Variants in TMEM131 observed in about 807,000 individuals in gnomAD.
The protein encoded by TMEM131 is 2610524E03Rik.
A neutral mutation model predicts 211.6 loss-of-function variants in TMEM131; 66 were observed. That is an observed-to-expected ratio of 0.31 (90% confidence interval 0.26 to 0.38). The LOEUF (loss-of-function observed/expected upper bound fraction) is 0.38. TMEM131 is among the 10% of genes least tolerant of loss of function. The pLI, the probability that TMEM131 is intolerant of heterozygous loss-of-function variation, is 1.00. For missense variants in TMEM131, 2,036 were observed against 2,299.3 expected (o/e 0.89, Z 2.34); for synonymous variants, 844 against 841.3 (o/e 1.00, Z -0.06).
At chr2:97,891,760 AT>A (rs1288730557) in intron 3 of TMEM131, among the ~76,000 whole-genome samples, 3 of 152,180 alleles carry the variant, frequency 2.0e-5, no homozygotes, top group African/African-American at 7.2e-5. Flanking sequence ...TTTTAAAACA[AT>A]TGTTTGTGAT....
At chr2:97,937,803 GAGA>G in intron 1 of TMEM131, among the ~76,000 whole-genome samples, 1 of 152,306 alleles carries the variant, frequency 6.6e-6, no homozygotes, top group South Asian at 2.1e-4. Context: ...AACAACTAGA[GAGA>G]AGGTCATCAG....
chr2:97,943,032 AAAAGAAAAGAAAGAAAG>A (rs1559464385), intron 1 of TMEM131, among the ~76,000 whole-genome samples: 8 of 47,318 alleles, frequency 1.7e-4, no homozygotes, highest in East Asian at 1.6e-3. Flanking sequence ...AAAAGAAAAG[AAAAGAAAAGAAAGAAAG>A]AAAGAAAGAA....
intron 1 of TMEM131, among the ~76,000 whole-genome samples, chr2:97,954,003 AT>A (rs1368840592): frequency 6.6e-6 from 1 of 152,232 alleles, no homozygotes; most frequent in Non-Finnish European, 1.5e-5. Context: ...AACGCAAAAT[AT>A]CAAAAAACAG....
chr2:97,971,157 A>G (rs949429510), intron 1 of TMEM131, among the ~76,000 whole-genome samples: 1 of 152,242 alleles, frequency 6.6e-6, no homozygotes, highest in African/African-American at 2.4e-5. Context: ...TACATAAATT[A>G]TTCCATCAAA....
At chr2:97,988,910 GA>G (rs1461370165) in intron 1 of TMEM131, among the ~76,000 whole-genome samples, 2 of 152,142 alleles carry the variant, frequency 1.3e-5, no homozygotes, top group Non-Finnish European at 2.9e-5. Flanking sequence ...CTTCTGGGTA[GA>G]TATGCAAAAT....
intron 2 of TMEM131, among the ~76,000 whole-genome samples, chr2:97,918,048 G>T (rs1357319589): frequency 6.6e-6 from 1 of 151,790 alleles, no homozygotes; most frequent in Non-Finnish European, 1.5e-5. Flanking sequence ...CCGGGTTCAA[G>T]CAATTCTGTG....
intron 18 of TMEM131, among the ~76,000 whole-genome samples, chr2:97,810,433 C>T (rs1027841965): frequency 3.3e-5 from 5 of 152,236 alleles, no homozygotes; most frequent in Admixed American, 2.0e-4. Flanking sequence ...TATTAAATGG[C>T]CAATTCTGTT....
In TMEM131 at chr2:97,805,363, C is replaced by G; in HGVS notation, c.2284+13G>C. 1 of 1,612,176 alleles carries G rather than the reference C, an allele frequency of 6.2e-7. No homozygotes were observed. Among genetic ancestry groups the G allele is most frequent in the Non-Finnish European group, 8.5e-7 (1 of 1,178,680 alleles). ...GAAGTGAAGACATGAGAGAGAACAGCAAGGTCACTTACATTTGGATAGAAA... is the reference window on the plus strand; with the variant it reads ...GAAGTGAAGACATGAGAGAGAACAGGAAGGTCACTTACATTTGGATAGAAA... On this transcript the variant is annotated intron_variant, in intron 21 of 40. Coordinates refer to ENST00000186436, the MANE Select transcript of TMEM131 (RefSeq NM_015348.2).
intron 35 of TMEM131, 181 bp from the exon 36 acceptor site, chr2:97,762,381 C>CA: frequency 1.7e-6 from 1 of 588,942 alleles, no homozygotes; most frequent in South Asian, 2.1e-5. Context: ...CATCTCTCTG[C>CA]ACTCGGGGAT....
At chr2:97,794,668 T>C (rs565847701) in intron 29 of TMEM131, among the ~76,000 whole-genome samples, 15 of 152,354 alleles carry the variant, frequency 9.8e-5, no homozygotes, top group Admixed American at 3.3e-4. Context: ...AGTAACTTTA[T>C]CTGAGCATTT....
At chr2:97,807,789 G>T (rs1196866499) in intron 19 of TMEM131, among the ~76,000 whole-genome samples, 4 of 151,826 alleles carry the variant, frequency 2.6e-5, no homozygotes, top group African/African-American at 9.7e-5. Context: ...CATTGATTGA[G>T]AAGGTAATGG....
At chr2:97,839,965 G>C (rs1683120545) in intron 7 of TMEM131, among the ~76,000 whole-genome samples, 1 of 152,126 alleles carries the variant, frequency 6.6e-6, no homozygotes, top group African/African-American at 2.4e-5. Context: ...TTCCTGAGGA[G>C]AACATACTCA....
intron 19 of TMEM131, 124 bp from the exon 20 acceptor site, chr2:97,805,827 C>T: frequency 1.1e-6 from 1 of 919,228 alleles, no homozygotes; most frequent in Non-Finnish European, 1.5e-6. Context: ...TTAGAATGTT[C>T]ATCAATTGAT....
At chr2:97,897,213 G>T (rs745669470) in intron 3 of TMEM131, among the ~76,000 whole-genome samples, 3 of 152,018 alleles carry the variant, frequency 2.0e-5, no homozygotes, top group Non-Finnish European at 2.9e-5. Flanking sequence ...ACAATCACAT[G>T]GTTTGTAGAC....
intron 30 of TMEM131, 95 bp downstream of exon 30, chr2:97,793,300 C>T: frequency 1.5e-6 from 2 of 1,343,402 alleles, no homozygotes; most frequent in African/African-American, 2.9e-5. Context: ...TTTTTTTTCT[C>T]CTGAGCAAAG....
At chr2:97,855,175 A>C (rs139908152) in intron 5 of TMEM131, among the ~76,000 whole-genome samples, 1 of 152,184 alleles carries the variant, frequency 6.6e-6, no homozygotes, top group South Asian at 2.1e-4. Context: ...TGGGGTGGCA[A>C]AACTATTTTT....
chr2:97,872,704 GCA>G (rs1674539271), intron 4 of TMEM131, among the ~76,000 whole-genome samples: 1 of 152,172 alleles, frequency 6.6e-6, no homozygotes, highest in African/African-American at 2.4e-5. Context: ...AGGAACTCTG[GCA>G]CAGATACTGC....
intron 33 of TMEM131, among the ~76,000 whole-genome samples, chr2:97,770,799 C>A (rs545517265): frequency 6.6e-6 from 1 of 152,300 alleles, no homozygotes; most frequent in East Asian, 1.9e-4. Context: ...CTTAGATGCA[C>A]TGGTTTTAAA....
chr2:97,911,922 T>C (rs145151041), intron 2 of TMEM131, among the ~76,000 whole-genome samples: 20 of 151,812 alleles, frequency 1.3e-4, no homozygotes, highest in African/African-American at 4.6e-4. Context: ...TATCAAGAGA[T>C]TAAAAACAAA....
Sources: gnomAD v4.1 joint callset for allele counts (sites outside exome capture counted in the v4.1 genomes callset) on GRCh38, gnomAD v4.1.1 for gene constraint, MANE v1.5 for transcripts, NCBI Gene and HGNC (gene_info 2026-07-23, HGNC 2026-07-21) for gene names.